The following DLGAP2 variants were observed in gnomAD, a reference collection of about 807,000 sequenced individuals.
The protein encoded by DLGAP2 is disks large-associated protein 2.
Under a neutral mutation model 100.3 loss-of-function variants are expected in DLGAP2, and 26 were observed. The ratio of observed to expected loss-of-function variants is 0.26; its 90% confidence interval spans 0.19 to 0.36. DLGAP2 has a LOEUF of 0.36. DLGAP2 is among the 10% of genes least tolerant of loss of function. DLGAP2 has a pLI of 1.00. For synonymous variants in DLGAP2, 886 were observed against 630.1 expected (o/e 1.41, Z -6.08); for missense variants, 1,858 against 1,453.2 (o/e 1.28, Z -4.53).
intron 2 of DLGAP2, among the ~76,000 whole-genome samples, chr8:923,724 AT>A (rs1798760474): frequency 6.6e-6 from 1 of 152,202 alleles, no homozygotes; most frequent in African/African-American, 2.4e-5. Context: ...CTGTGCTTGT[AT>A]CAGATGTCAG....
At chr8:850,849 A>G (rs764639755) in intron 1 of DLGAP2, among the ~76,000 whole-genome samples, 1 of 152,136 alleles carries the variant, frequency 6.6e-6, no homozygotes, top group Non-Finnish European at 1.5e-5. Flanking sequence ...ACTTTAAAGA[A>G]TTCAGAGGTA....
chr8:1,678,084 A>G (rs952369182), intron 11 of DLGAP2, 130 bp from the exon 12 acceptor site: 9 of 1,033,174 alleles, frequency 8.7e-6, no homozygotes, highest in Non-Finnish European at 1.1e-5. Flanking sequence ...TTCACAAACA[A>G]AACACTACCT....
chr8:1,091,609 T>A (rs1305198940), intron 2 of DLGAP2, among the ~76,000 whole-genome samples: 1 of 152,216 alleles, frequency 6.6e-6, no homozygotes, highest in Non-Finnish European at 1.5e-5. Flanking sequence ...GGCAGGTCCC[T>A]CCGGCTGTCA....
chr8:880,726 T>G (rs1797772913), intron 1 of DLGAP2, among the ~76,000 whole-genome samples: 1 of 152,252 alleles, frequency 6.6e-6, no homozygotes, highest in Admixed American at 6.5e-5. Flanking sequence ...CGACATGGTA[T>G]CTGTGCTGGG....
chr8:1,491,052 AAAT>A (rs1799365180), intron 3 of DLGAP2, among the ~76,000 whole-genome samples: 4 of 32,628 alleles, frequency 1.2e-4, no homozygotes, highest in East Asian at 1.6e-3. Flanking sequence ...AAATAAAATA[AAAT>A]AAATAAAAAT....
intron 1 of DLGAP2, among the ~76,000 whole-genome samples, chr8:886,101 T>G (rs939578061): frequency 6.6e-6 from 1 of 152,236 alleles, no homozygotes; most frequent in Non-Finnish European, 1.5e-5. Flanking sequence ...CATTCAGGGA[T>G]TCAATTTCTC....
At chr8:1,121,022 C>G (rs1717863359) in intron 2 of DLGAP2, among the ~76,000 whole-genome samples, 2 of 146,780 alleles carry the variant, frequency 1.4e-5, no homozygotes, top group Non-Finnish European at 3.0e-5. Context: ...TTTAGAACCC[C>G]TGGCCACGCA....
chr8:799,132 G>A (rs76584783), intron 1 of DLGAP2, among the ~76,000 whole-genome samples: 2,248 of 152,302 alleles, frequency 0.015, 28 homozygotes, highest in Middle Eastern at 0.024. Context: ...GATGAAGCCA[G>A]TTTTCTCCCT....
intron 3 of DLGAP2, among the ~76,000 whole-genome samples, chr8:1,341,044 G>A (rs1801405397): frequency 6.6e-6 from 1 of 152,108 alleles, no homozygotes; most frequent in Non-Finnish European, 1.5e-5. Context: ...AGAACTCACG[G>A]ACACATAGAG....
intron 2 of DLGAP2, among the ~76,000 whole-genome samples, chr8:1,131,535 C>G (rs1423342609): frequency 1.3e-5 from 2 of 152,166 alleles, no homozygotes; most frequent in African/African-American, 4.8e-5. Context: ...AATCACTTCC[C>G]AAAGGCCACA....
At position 1,264,778 on chromosome 8, in the gene DLGAP2, C is replaced by G. The variant is rs138583697; in HGVS notation, c.106+5895C>G. ...GATATGGTTTTGCTGTGTCCCCACCCAAATCTCATCTTGAATTGTCACTCC... is the reference window on the plus strand; with the variant it reads ...GATATGGTTTTGCTGTGTCCCCACCGAAATCTCATCTTGAATTGTCACTCC... On this transcript the variant is annotated intron_variant, in intron 3 of 14. Coordinates refer to ENST00000637795, the MANE Select transcript of DLGAP2 (RefSeq NM_001346810.2). Among the ~76,000 whole-genome samples the G allele has an allele frequency of 5.2e-3, 788 of 152,224 alleles. 4 individuals are homozygous for G. Among genetic ancestry groups the G allele is most frequent in the African/African-American group, 0.018 (740 of 41,532 alleles).
chr8:849,736 A>T (rs773510403), intron 1 of DLGAP2, among the ~76,000 whole-genome samples: 5 of 152,148 alleles, frequency 3.3e-5, no homozygotes, highest in African/African-American at 1.2e-4. Context: ...CCTGCTTTCC[A>T]TCTTTACTCT....
At chr8:1,451,716 G>A (rs565857821) in intron 3 of DLGAP2, among the ~76,000 whole-genome samples, 18 of 152,044 alleles carry the variant, frequency 1.2e-4, no homozygotes, top group African/African-American at 3.4e-4. Context: ...TGCTGCCTCC[G>A]CCTCAGCAAC....
chr8:1,537,600 A>C (rs1421329441), intron 4 of DLGAP2, among the ~76,000 whole-genome samples: 1 of 152,074 alleles, frequency 6.6e-6, no homozygotes, highest in Non-Finnish European at 1.5e-5. Context: ...CTTCCGTAGG[A>C]CAGGGACCAT....
At chr8:1,111,080 G>A (rs748572121) in intron 2 of DLGAP2, among the ~76,000 whole-genome samples, 4 of 152,194 alleles carry the variant, frequency 2.6e-5, no homozygotes, top group African/African-American at 7.2e-5. Flanking sequence ...GCCCGACTCC[G>A]GGGCTGCTTT....
At chr8:874,432 A>G (rs1797653070) in intron 1 of DLGAP2, among the ~76,000 whole-genome samples, 1 of 152,068 alleles carries the variant, frequency 6.6e-6, no homozygotes, top group Non-Finnish European at 1.5e-5. Flanking sequence ...AGTATTTTCT[A>G]ATTTCCTTTG....
chr8:895,216 C>G (rs1332666910), intron 1 of DLGAP2, among the ~76,000 whole-genome samples: 1 of 152,044 alleles, frequency 6.6e-6, no homozygotes, highest in Admixed American at 6.6e-5. Flanking sequence ...GATGGATATG[C>G]TAATTAGCTC....
chr8:1,276,297 G>A (rs550732665), intron 3 of DLGAP2, among the ~76,000 whole-genome samples: 3 of 151,638 alleles, frequency 2.0e-5, no homozygotes, highest in South Asian at 2.1e-4. Flanking sequence ...CAAACACTAT[G>A]AAAAGTGATA....
intron 3 of DLGAP2, among the ~76,000 whole-genome samples, chr8:1,443,745 G>A (rs931274976): frequency 1.3e-5 from 2 of 152,068 alleles, no homozygotes; most frequent in African/African-American, 4.8e-5. Flanking sequence ...AGAAGAGTAT[G>A]GGGGAAACTG....
Sources: allele counts gnomAD v4.1 joint callset (sites outside exome capture counted in the v4.1 genomes callset), GRCh38; gene constraint gnomAD v4.1.1; transcripts MANE v1.5; gene names NCBI Gene and HGNC (gene_info 2026-07-23, HGNC 2026-07-21).